The following DLG2 variants were observed in gnomAD, a reference collection of about 807,000 sequenced individuals.
DLG2 encodes discs large MAGUK scaffold protein 2.
A neutral mutation model predicts 132.5 loss-of-function variants in DLG2; 45 were observed. The observed-to-expected ratio is 0.34, with a 90% CI of 0.27 to 0.44. The LOEUF is 0.44. Among genes scored for constraint, DLG2 ranks in the 20% least tolerant of loss-of-function variants. The probability of loss-of-function intolerance (pLI) is 1.00; values close to 1 mark genes in which losing one functional copy is unlikely to be tolerated. For synonymous variants in DLG2, 424 were observed against 419.6 expected, an observed-to-expected ratio of 1.01 and a Z score of -0.13; for missense variants, 1,045 against 1,196.9, an observed-to-expected ratio of 0.87 and a Z score of 1.87.
intron 16 of DLG2, among the ~76,000 whole-genome samples, chr11:83,865,292 G>T (rs1196885763): frequency 6.6e-6 from 1 of 152,050 alleles, no homozygotes; most frequent in Admixed American, 6.6e-5. Flanking sequence ...ATGACCTTGG[G>T]GAAGTCACTG....
intron 6 of DLG2, among the ~76,000 whole-genome samples, chr11:84,547,153 G>C (rs79773696): frequency 7.8e-4 from 118 of 152,226 alleles, no homozygotes; most frequent in African/African-American, 2.8e-3. Flanking sequence ...AGAAGAGTGA[G>C]TGTCTGTGAT....
rs12221625 is a variant in DLG2, at chr11:84,010,150, G to A, written c.920-29508C>T. Among the ~76,000 whole-genome samples, 1,041 of 151,794 alleles carry A rather than the reference G, an allele frequency of 6.9e-3. 10 individuals are homozygous for A. Among genetic ancestry groups the A allele is most frequent in the East Asian group, 0.042 (215 of 5,152 alleles). On this transcript the variant is annotated intron_variant, in intron 11 of 27. Transcript: ENST00000376104. ...TGAAAATACTAATATTTCTCACACC[G>A]GCATCAGCTAGAACTCATATTTAAC...
intron 6 of DLG2, among the ~76,000 whole-genome samples, chr11:85,031,215 A>G (rs566847245): frequency 2.4e-4 from 36 of 152,166 alleles, no homozygotes; most frequent in African/African-American, 8.7e-4. Flanking sequence ...CTTGAAATCA[A>G]ATTAACCAGA....
chr11:84,423,424 A>G (rs1034171933), intron 7 of DLG2, among the ~76,000 whole-genome samples: 2 of 152,186 alleles, frequency 1.3e-5, no homozygotes, highest in African/African-American at 4.8e-5. Context: ...GTTAAAAAAT[A>G]AAATCCCAAC....
At chr11:85,196,543 A>G (rs1474348268) in intron 4 of DLG2, among the ~76,000 whole-genome samples, 5 of 152,232 alleles carry the variant, frequency 3.3e-5, no homozygotes, top group African/African-American at 9.6e-5. Context: ...TCAAGTTATC[A>G]ACATGATGTC....
chr11:83,965,359 A>C lies in DLG2; in HGVS notation c.1166T>G (p.Met389Arg). The C allele has an allele frequency of 1.2e-6, 2 of 1,612,292 alleles. No individual in the cohort carries two copies. Among genetic ancestry groups the C allele is most frequent in the Non-Finnish European group, 1.7e-6 (2 of 1,178,818 alleles). ...LKVGKPTTIY[M>R]TDPYGPPDIT... ...ATCAGGTGGACCATAAGGATCAGTCATATAAATGGTAGTGGGTTTGCCAAC... is the reference window on the plus strand; with the variant it reads ...ATCAGGTGGACCATAAGGATCAGTCCTATAAATGGTAGTGGGTTTGCCAAC... The change falls in exon 13 of 28, where the codon ATG (methionine) becomes AGG (arginine). Residue 389 changes from methionine to arginine, a missense_variant. Physicochemically the swap from Met to Arg is moderately conservative, Grantham distance 91 (BLOSUM62 -1). This residue lies in a region of DLG2 where 261 missense variants were observed against 256.1 expected (regional missense o/e 1.02). Transcript: ENST00000376104.
intron 17 of DLG2, among the ~76,000 whole-genome samples, chr11:83,805,569 C>G (rs2045684418): frequency 1.3e-5 from 2 of 152,036 alleles, no homozygotes; most frequent in Admixed American, 1.3e-4. Flanking sequence ...ATCTCTGTCT[C>G]TCTCCCATCC....
intron 3 of DLG2, among the ~76,000 whole-genome samples, chr11:85,339,841 C>A (rs1427230281): frequency 6.6e-6 from 1 of 152,152 alleles, no homozygotes; most frequent in South Asian, 2.1e-4. Context: ...TATGAACAGA[C>A]ACTTCTCAAA....
In DLG2 at chr11:85,616,699, A is replaced by G. The variant is rs143362526; in HGVS notation, c.-93+9888T>C. Among the ~76,000 whole-genome samples, 582 of 152,328 alleles carry G rather than the reference A, an allele frequency of 3.8e-3. 4 individuals carry two copies. The highest frequency in any genetic ancestry group is 0.013 in the African/African-American group (554 of 41,574). On this transcript the variant is annotated intron_variant, in intron 2 of 27. Transcript: ENST00000376104. The stretch of plus-strand genomic sequence containing the variant: ...CTCCTAGCCCCTTCACAGCGTAGAA[A>G]AAAATTTTCCCAGCTGAAGAAAACA...
chr11:84,086,466 T>C (rs540040120), intron 10 of DLG2, among the ~76,000 whole-genome samples: 4 of 149,884 alleles, frequency 2.7e-5, no homozygotes, highest in African/African-American at 4.9e-5. Context: ...TTTTCTTTCT[T>C]TCTGTTTTTT....
intron 10 of DLG2, among the ~76,000 whole-genome samples, chr11:84,080,025 T>C (rs1292945512): frequency 6.6e-6 from 1 of 152,180 alleles, no homozygotes; most frequent in African/African-American, 2.4e-5. Flanking sequence ...CAGCACTACG[T>C]CCTTTACATT....
At chr11:84,251,161 T>C (rs2097366715) in intron 8 of DLG2, 77 bp downstream of exon 8, 2 of 894,802 alleles carry the variant, frequency 2.2e-6, no homozygotes, top group Non-Finnish European at 3.4e-6. Flanking sequence ...TGAAACTAAA[T>C]GTGAATTGAA....
At chr11:85,084,721 A>G (rs1338764318) in intron 6 of DLG2, among the ~76,000 whole-genome samples, 2 of 152,180 alleles carry the variant, frequency 1.3e-5, no homozygotes, top group Non-Finnish European at 2.9e-5. Context: ...AACAATAGAT[A>G]GACATAACCT....
chr11:83,589,092 C>T (rs1430204080), intron 19 of DLG2, among the ~76,000 whole-genome samples: 3 of 148,326 alleles, frequency 2.0e-5, no homozygotes, highest in Non-Finnish European at 4.5e-5. Context: ...GAGAACTTCC[C>T]CAATCTAGCA....
chr11:84,313,101 A>G (rs1462420827), intron 7 of DLG2, among the ~76,000 whole-genome samples: 1 of 151,742 alleles, frequency 6.6e-6, no homozygotes, highest in Non-Finnish European at 1.5e-5. Context: ...GAGTCACTGC[A>G]CCTGGCCAAT....
At chr11:85,282,545 T>C (rs1266067511) in intron 4 of DLG2, among the ~76,000 whole-genome samples, 2 of 151,720 alleles carry the variant, frequency 1.3e-5, no homozygotes, top group Non-Finnish European at 2.9e-5. Context: ...AATGCACAAA[T>C]TGCTAACATC....
intron 6 of DLG2, among the ~76,000 whole-genome samples, chr11:84,581,254 C>T (rs2099515653): frequency 6.6e-6 from 1 of 152,178 alleles, no homozygotes; most frequent in Non-Finnish European, 1.5e-5. Context: ...ACACAAAAGA[C>T]ATTCCATCTT....
intron 6 of DLG2, among the ~76,000 whole-genome samples, chr11:84,582,807 A>C (rs1479927694): frequency 6.6e-6 from 1 of 152,180 alleles, no homozygotes; most frequent in Admixed American, 6.5e-5. Context: ...CAAGATGAAC[A>C]AAAAGAGTCT....
chr11:84,000,037 A>C (rs1727064385), intron 11 of DLG2, among the ~76,000 whole-genome samples: 1 of 152,138 alleles, frequency 6.6e-6, no homozygotes, highest in Non-Finnish European at 1.5e-5. Flanking sequence ...AAGAAACATG[A>C]GTAAATCAAT....
Sources: gnomAD v4.1 joint callset for allele counts (sites outside exome capture counted in the v4.1 genomes callset) on GRCh38, gnomAD v4.1.1 for gene constraint, gnomAD v4.1.1 regional missense constraint, MANE v1.5 for transcripts, NCBI Gene and HGNC (gene_info 2026-07-23, HGNC 2026-07-21) for gene names.